Variants in INTS2 observed in about 807,000 individuals in gnomAD.
The protein encoded by INTS2 is KIAA1287.
Under a neutral mutation model 139.6 loss-of-function variants are expected in INTS2, and 57 were observed. The ratio of observed to expected loss-of-function variants is 0.41; its 90% CI spans 0.33 to 0.51. The LOEUF is 0.51. Among genes scored for constraint, INTS2 ranks in the 20% least tolerant of loss-of-function variants. The pLI is 0.28. For missense variants in INTS2, 1,196 were observed against 1,436.7 expected (o/e 0.83, Z 2.71); for synonymous variants, 473 against 493.4 (o/e 0.96, Z 0.55).
At position 61,869,483 on chromosome 17, in the gene INTS2, T is replaced by C; in HGVS notation, c.3031-103A>G. 1.0e-6 allele frequency: 1 copy of C among 977,498 alleles called. No homozygotes were observed. Among genetic ancestry groups the C allele is most frequent in the Non-Finnish European group, 1.5e-6 (1 of 651,654 alleles). 60.6% of individuals were successfully genotyped at this position (977,498 alleles called of 1,614,324 possible). A position where few individuals can be genotyped will look rare whatever the true frequency, so the allele number is the denominator to read the frequency against. On this transcript the variant is annotated intron_variant, in intron 21 of 24. Coordinates refer to ENST00000251334, the MANE Select transcript of INTS2 (RefSeq NM_001351695.2). The surrounding 1 kb of genome is among the most constrained non-coding windows in gnomAD (Gnocchi z 5.4). ...TTCATTTCCTTTCTGTAAAAATTGC[T>C]CAGAAGGCTATAGTGCCCCATATGT... is the stretch of plus-strand genomic sequence containing the variant.
In INTS2 at chr17:61,871,310, G is replaced by A. The variant is rs1358996779; in HGVS notation, c.2778+955C>T. 1.3e-5 allele frequency among the ~76,000 whole-genome samples: 2 copies of A among 151,960 alleles called. No individual in the cohort carries two copies. Among genetic ancestry groups the A allele is most frequent in the African/African-American group, 4.8e-5 (2 of 41,390 alleles). On this transcript the variant is annotated intron_variant, in intron 20 of 24. Transcript: ENST00000251334. The surrounding 1 kb of genome is among the most constrained non-coding windows in gnomAD (Gnocchi z 4.9). The stretch of plus-strand genomic sequence containing the variant: ...TAATTTTTGTATTTTTAGTAGAGAT[G>A]GGGTTTCACCATGTTGGCCAGGCTG...
chr17:61,914,697 C>T (rs1439104191), intron 5 of INTS2, among the ~76,000 whole-genome samples: 2 of 134,266 alleles, frequency 1.5e-5, no homozygotes, highest in Admixed American at 7.4e-5. Context: ...AGTGAGACTC[C>T]GTCTCAAAAA....
intron 16 of INTS2, among the ~76,000 whole-genome samples, chr17:61,881,544 CCAGGATCGCAACATTGCACTCCAGCT>C (rs1278451375): frequency 2.0e-5 from 3 of 152,138 alleles, no homozygotes; most frequent in African/African-American, 7.2e-5. Context: ...TTGCAGTGAG[CCAGGATCGCAACATTGCACTCCAGCT>C]CAGGCAACGA....
At chr17:61,925,448 G>C (rs1351549260) in intron 2 of INTS2, among the ~76,000 whole-genome samples, 1 of 151,860 alleles carries the variant, frequency 6.6e-6, no homozygotes, top group Non-Finnish European at 1.5e-5. Context: ...ATGGTGGCGC[G>C]TGCCTGTAGT....
chr17:61,903,894 A>T (rs2079434015), intron 9 of INTS2, among the ~76,000 whole-genome samples: 1 of 152,168 alleles, frequency 6.6e-6, no homozygotes, highest in Non-Finnish European at 1.5e-5. Context: ...ACTCAATAAA[A>T]AATACCTAAA....
chr17:61,920,330 T>C (rs990613072), intron 4 of INTS2, among the ~76,000 whole-genome samples: 9 of 151,804 alleles, frequency 5.9e-5, no homozygotes, highest in African/African-American at 2.2e-4. Context: ...TACAGAAGCC[T>C]GCCACCACAC....
At position 61,870,077 on chromosome 17, in the gene INTS2, T is replaced by TA. The variant is rs1820693635; in HGVS notation, c.2779-90dup. On this transcript the variant is annotated intron_variant, in intron 20 of 24. Coordinates refer to ENST00000251334, the MANE Select transcript of INTS2 (RefSeq NM_001351695.2). The surrounding 1 kb of genome is among the most constrained non-coding windows in gnomAD (Gnocchi z 4.4). The stretch of plus-strand genomic sequence containing the variant: ...TTTATTTTCACATGAACAGATATGA[T>TA]AAAATAACTAATTTCTTAAACACAC... 1.6e-6 allele frequency: 2 copies of TA among 1,223,252 alleles called. No individual in the cohort carries two copies. Among genetic ancestry groups the TA allele is most frequent in the East Asian group, 5.0e-5 (2 of 39,608 alleles). The allele number at this position is 1,223,252 out of a possible 1,614,324, so 75.8% of individuals were successfully genotyped here. A position where few individuals can be genotyped will look rare whatever the true frequency, so the allele number is the denominator to read the frequency against.
chr17:61,909,823 ATGTGTGTGTG>A lies in INTS2; in HGVS notation c.954+1687_954+1696del, dbSNP rs78460850. Among the ~76,000 whole-genome samples the A allele has an allele frequency of 9.8e-3, 1,362 of 138,788 alleles. 17 individuals are homozygous for A. The highest frequency in any genetic ancestry group is 0.025 in the African/African-American group (953 of 38,610). The allele number at this position is 138,788 out of a possible 152,430, so 91.1% of individuals were successfully genotyped here. Reference sequence around the variant, plus strand: ...TATACGTGTGTGTGTACATGTGTGTATGTGTGTGTGTGTGTGTGTGTGTGTGTGTGTGTGT... The same window carrying A: ...TATACGTGTGTGTGTACATGTGTGTATGTGTGTGTGTGTGTGTGTGTGTGT... On this transcript the variant is annotated intron_variant, in intron 7 of 24. Coordinates refer to ENST00000251334, the MANE Select transcript of INTS2 (RefSeq NM_001351695.2). This position sits in a 1 kb window ranked among gnomAD's most constrained non-coding sequence, Gnocchi z 4.9.
rs1309234698 is a variant in INTS2, at chr17:61,897,833, T to C, written c.1308-94A>G. The C allele has an allele frequency of 5.6e-6, 5 of 895,540 alleles. No individual in the cohort carries two copies. The highest frequency in any genetic ancestry group is 8.7e-6 in the Non-Finnish European group (5 of 575,584). 55.5% of individuals were successfully genotyped at this position (895,540 alleles called of 1,614,324 possible). A position where few individuals can be genotyped will look rare whatever the true frequency, so the allele number is the denominator to read the frequency against. ...TGAAGTTATTTTTGGTAGAAATTAT[T>C]TTTCCTGCCCTATTTTCAAGTATCA... On this transcript the variant is annotated intron_variant, in intron 9 of 24. Coordinates refer to ENST00000251334, the MANE Select transcript of INTS2 (RefSeq NM_001351695.2). The surrounding 1 kb of genome is among the most constrained non-coding windows in gnomAD (Gnocchi z 4.4).
At chr17:61,879,570 G>A (rs1304426201) in intron 17 of INTS2, among the ~76,000 whole-genome samples, 1 of 152,136 alleles carries the variant, frequency 6.6e-6, no homozygotes, top group Non-Finnish European at 1.5e-5. Flanking sequence ...ATATTGGCAG[G>A]CCAGGCACGG....
At chr17:61,895,903 A>G (rs1468413724) in intron 11 of INTS2, among the ~76,000 whole-genome samples, 2 of 152,148 alleles carry the variant, frequency 1.3e-5, no homozygotes, top group East Asian at 3.8e-4. Context: ...TAAACCCAAG[A>G]AAGGAAAACA....
At chr17:61,923,432 G>C (rs1272539864) in intron 3 of INTS2, among the ~76,000 whole-genome samples, 10 of 134,372 alleles carry the variant, frequency 7.4e-5, no homozygotes, top group Non-Finnish European at 1.4e-4. Flanking sequence ...AGCCGAGATT[G>C]TGCCACTGCA....
intron 9 of INTS2, among the ~76,000 whole-genome samples, chr17:61,903,796 A>T (rs2079433174): frequency 1.3e-5 from 2 of 152,140 alleles, no homozygotes; most frequent in African/African-American, 4.8e-5. Context: ...ATACTAGGAG[A>T]ATGAGAGGAT....
rs1397597133 is a variant in INTS2, at chr17:61,873,444, C to T, written c.2583-984G>A. Reference sequence around the variant, plus strand: ...AAGTGAAAAATCCGAGCTACAAAAACATTAGATACAATTTGATAACAGAAT... The same window carrying T: ...AAGTGAAAAATCCGAGCTACAAAAATATTAGATACAATTTGATAACAGAAT... On this transcript the variant is annotated intron_variant, in intron 19 of 24. Transcript: ENST00000251334. This position sits in a 1 kb window ranked among gnomAD's most constrained non-coding sequence, Gnocchi z 4.0. Among the ~76,000 whole-genome samples, 2 of 152,108 alleles carry T rather than the reference C, an allele frequency of 1.3e-5. No individual in the cohort carries two copies. Among genetic ancestry groups the T allele is most frequent in the Non-Finnish European group, 2.9e-5 (2 of 68,012 alleles).
chr17:61,911,783 G>A, intron 6 of INTS2, 90 bp from the exon 7 acceptor site: 1 of 1,440,818 alleles, frequency 6.9e-7, no homozygotes. Context: ...AAGTTTAGAG[G>A]AAGAACTCCT....
Position 61,878,944 on chromosome 17 carries a change from A to AAAAAAAC in INTS2, c.2255-857_2255-856insGTTTTTT, listed in dbSNP as rs1567891546. Among the ~76,000 whole-genome samples the AAAAAAAC allele has an allele frequency of 2.0e-3, 268 of 137,276 alleles. 15 individuals carry two copies. Among genetic ancestry groups the AAAAAAAC allele is most frequent in the African/African-American group, 8.9e-3 (257 of 28,814 alleles). 90.1% of individuals were successfully genotyped at this position (137,276 alleles called of 152,430 possible). Reference sequence around the variant, plus strand: ...AGACCCTGTCTCCAAAAAAAAAAAAAAAAAAAAAAACACTTTACTGACCCG... The same window carrying AAAAAAAC: ...AGACCCTGTCTCCAAAAAAAAAAAAAAAAAAACAAAAAAAAAACACTTTACTGACCCG... On this transcript the variant is annotated intron_variant, in intron 17 of 24. Coordinates refer to ENST00000251334, the MANE Select transcript of INTS2 (RefSeq NM_001351695.2).
intron 16 of INTS2, 64 bp downstream of exon 16, chr17:61,884,837 A>G (rs1233465074): frequency 1.7e-5 from 17 of 1,008,656 alleles, no homozygotes; most frequent in Non-Finnish European, 2.6e-5. Flanking sequence ...ACACTTCATA[A>G]CATTATAAAC....
chr17:61,884,292 A>C (rs2145917364), intron 16 of INTS2, among the ~76,000 whole-genome samples: 1 of 152,214 alleles, frequency 6.6e-6, no homozygotes, highest in Non-Finnish European at 1.5e-5. Flanking sequence ...GGAGTTCAAG[A>C]CCAGCCTGGG....
rs2079212471 is a variant in INTS2 at position 61,884,967 on chromosome 17, AAG to A, written c.2021_2022del (p.Ser674PhefsTer35). ...AATTTGATAGGAATCTGATCCATTA[AAG>A]AAGAAGAATATGATTTGGGCTTTCT... Reference protein sequence around the residue: ...MQRKPKSYSSSLMDQIPIKFL... With the variant: ...MQRKPKSYSSXLMDQIPIKFL... On this transcript the variant is annotated frameshift_variant, in exon 16 of 25. Transcript: ENST00000251334. LOFTEE classifies it high-confidence loss of function. The A allele has an allele frequency of 6.2e-7, 1 of 1,606,964 alleles. No homozygotes were observed. The highest frequency in any genetic ancestry group is 1.3e-5 in the African/African-American group (1 of 74,858).
Sources: gnomAD v4.1 joint callset for allele counts (sites outside exome capture counted in the v4.1 genomes callset) on GRCh38, gnomAD v4.1.1 for gene constraint, Gnocchi (gnomAD v3.1) non-coding constraint, MANE v1.5 for transcripts, NCBI Gene and HGNC (gene_info 2026-07-23, HGNC 2026-07-21) for gene names.